Variants in SGIP1 observed in about 807,000 individuals in gnomAD.
SGIP1 encodes SH3-containing GRB2-like protein 3-interacting protein 1.
In SGIP1, 38 loss-of-function variants were observed where a neutral mutation model predicts 107.5. That is an observed-to-expected ratio of 0.35 (90% confidence interval 0.27 to 0.46). The LOEUF (loss-of-function observed/expected upper bound fraction) is 0.46, where lower values mean the gene tolerates loss of function less well. Among genes scored for constraint, SGIP1 ranks in the 20% least tolerant of loss-of-function variants. SGIP1 has a pLI of 1.00. For missense variants in SGIP1, 929 were observed against 1,019.5 expected, an observed-to-expected ratio of 0.91 and a Z score of 1.21; for synonymous variants, 365 against 366.1, an observed-to-expected ratio of 1.00 and a Z score of 0.03.
chr1:66,616,638 G>A (rs1228219344), intron 1 of SGIP1, among the ~76,000 whole-genome samples: 1 of 152,114 alleles, frequency 6.6e-6, no homozygotes, highest in Non-Finnish European at 1.5e-5. Flanking sequence ...TCTTTGTACA[G>A]TTCTTATAGC....
At chr1:66,706,465 T>A (rs2312573) in intron 18 of SGIP1, among the ~76,000 whole-genome samples, 39,087 of 146,344 alleles carry the variant, frequency 0.27, 5,395 homozygotes, top group South Asian at 0.32. Context: ...TAATATAAAT[T>A]ATAAATATTT....
intron 1 of SGIP1, among the ~76,000 whole-genome samples, chr1:66,599,772 C>G (rs1055181047): frequency 6.6e-6 from 1 of 152,134 alleles, no homozygotes; most frequent in Non-Finnish European, 1.5e-5. Flanking sequence ...CTCCTGTAAC[C>G]GAGGAGGCTG....
intron 19 of SGIP1, among the ~76,000 whole-genome samples, chr1:66,720,062 G>A (rs1301281020): frequency 6.6e-6 from 1 of 152,184 alleles, no homozygotes; most frequent in Non-Finnish European, 1.5e-5. Context: ...TGGTCTGAAT[G>A]CATATGTGAT....
At chr1:66,689,579 A>T (rs144750574) in intron 16 of SGIP1, among the ~76,000 whole-genome samples, 4 of 152,296 alleles carry the variant, frequency 2.6e-5, no homozygotes, top group Non-Finnish European at 5.9e-5. Flanking sequence ...TATTTGTCTG[A>T]TATTAGAAAA....
chr1:66,642,396 C>G (rs1265138200), intron 5 of SGIP1, among the ~76,000 whole-genome samples: 2 of 152,136 alleles, frequency 1.3e-5, no homozygotes, highest in Non-Finnish European at 1.5e-5. Context: ...TCACTAATTT[C>G]CTTTTCTTGG....
intron 1 of SGIP1, among the ~76,000 whole-genome samples, chr1:66,588,638 C>CT (rs35096597): frequency 0.071 from 7,050 of 98,638 alleles, 457 homozygotes; most frequent in African/African-American, 0.16. Context: ...CTAGTTAGTT[C>CT]TTTTTTTTTT....
chr1:66,699,409 C>G (rs2150202323), intron 18 of SGIP1, among the ~76,000 whole-genome samples: 1 of 152,268 alleles, frequency 6.6e-6, no homozygotes, highest in East Asian at 1.9e-4. Context: ...TGCGTGTCAT[C>G]CTCTGTGCCA....
At position 66,681,706 on chromosome 1, in the gene SGIP1, C is replaced by G. The variant is rs114689630; in HGVS notation, c.815-163C>G. On this transcript the variant is annotated intron_variant, in intron 14 of 24. Coordinates refer to ENST00000371037, the MANE Select transcript of SGIP1 (RefSeq NM_032291.4). ...ACTTTGTGGAGGGGGGATCTCTCCC[C>G]TCACCTTAGGCTCCTAATCCAATAA... Among the ~76,000 whole-genome samples the G allele has an allele frequency of 7.9e-3, 1,197 of 152,286 alleles. 10 individuals are homozygous for G. Among genetic ancestry groups the G allele is most frequent in the Admixed American group, 0.015 (224 of 15,300 alleles).
At chr1:66,600,248 C>T (rs1220472452) in intron 1 of SGIP1, among the ~76,000 whole-genome samples, 1 of 152,162 alleles carries the variant, frequency 6.6e-6, no homozygotes, top group Non-Finnish European at 1.5e-5. Context: ...GATTATGACT[C>T]ACATTTAAAC....
rs139065304 is a variant in SGIP1 at position 66,573,721 on chromosome 1, C to T, written c.10+39353C>T. 9.2e-5 allele frequency among the ~76,000 whole-genome samples: 14 copies of T among 152,082 alleles called. No homozygotes were observed. In the South Asian group the frequency reaches 1.9e-3, roughly 20 times the overall value. On this transcript the variant is annotated intron_variant, in intron 1 of 24. Transcript: ENST00000371037. Reference sequence around the variant, plus strand: ...GAAGCTAAATGAGAACACATAGACACGCAGAGGGGAACAACATGCACTGGG... The same window carrying T: ...GAAGCTAAATGAGAACACATAGACATGCAGAGGGGAACAACATGCACTGGG...
intron 1 of SGIP1, among the ~76,000 whole-genome samples, chr1:66,604,298 G>C (rs186962603): frequency 1.0e-3 from 156 of 152,170 alleles, no homozygotes; most frequent in African/African-American, 3.5e-3. Flanking sequence ...TTCCATGCAA[G>C]AAACCACTAG....
intron 24 of SGIP1, among the ~76,000 whole-genome samples, chr1:66,742,718 C>T (rs1440954453): frequency 1.3e-5 from 2 of 149,314 alleles, no homozygotes; most frequent in Non-Finnish European, 2.9e-5. Flanking sequence ...ATCCGCCCGC[C>T]TCGGCCTCCC....
chr1:66,578,797 G>A (rs1041223865), intron 1 of SGIP1, among the ~76,000 whole-genome samples: 3 of 152,040 alleles, frequency 2.0e-5, no homozygotes, highest in East Asian at 1.9e-4. Context: ...TCAGCCTCCC[G>A]AGTAGCTGGG....
intron 19 of SGIP1, among the ~76,000 whole-genome samples, chr1:66,725,245 C>A (rs770952506): frequency 6.6e-6 from 1 of 152,200 alleles, no homozygotes; most frequent in Non-Finnish European, 1.5e-5. Context: ...TGCTCCCAAT[C>A]TCTGCCCCAA....
intron 1 of SGIP1, among the ~76,000 whole-genome samples, chr1:66,549,476 A>G (rs1320254667): frequency 6.6e-6 from 1 of 152,196 alleles, no homozygotes; most frequent in African/African-American, 2.4e-5. Context: ...AGCTTTTTAA[A>G]TAAGGACCTA....
intron 1 of SGIP1, among the ~76,000 whole-genome samples, chr1:66,552,061 C>T (rs548783553): frequency 2.0e-5 from 3 of 152,102 alleles, no homozygotes; most frequent in African/African-American, 7.2e-5. Context: ...ATCCCATGCA[C>T]GGCTAGGGAG....
At chr1:66,700,920 AG>A in intron 18 of SGIP1, among the ~76,000 whole-genome samples, 1 of 151,574 alleles carries the variant, frequency 6.6e-6, no homozygotes, top group Non-Finnish European at 1.5e-5. Flanking sequence ...GAGACCCCAG[AG>A]AGGAAAAATA....
intron 18 of SGIP1, among the ~76,000 whole-genome samples, chr1:66,699,086 C>T (rs1253604198): frequency 6.6e-6 from 1 of 152,034 alleles, no homozygotes; most frequent in East Asian, 1.9e-4. Flanking sequence ...TGCCACATCC[C>T]TAGCAGTACC....
At chr1:66,662,829 A>T (rs1294358682) in intron 8 of SGIP1, among the ~76,000 whole-genome samples, 1 of 152,224 alleles carries the variant, frequency 6.6e-6, no homozygotes, top group African/African-American at 2.4e-5. Flanking sequence ...TTAGAAATGA[A>T]GGAAATTTGT....
Sources: allele counts gnomAD v4.1 joint callset (sites outside exome capture counted in the v4.1 genomes callset), GRCh38; gene constraint gnomAD v4.1.1; transcripts MANE v1.5; gene names NCBI Gene and HGNC (gene_info 2026-07-23, HGNC 2026-07-21).